Variants in EXOC6 observed in about 807,000 individuals in gnomAD.
EXOC6 encodes exocyst complex component 6.
A neutral mutation model predicts 112.5 loss-of-function variants in EXOC6; 60 were observed. The observed-to-expected ratio is 0.53, with a 90% confidence interval of 0.43 to 0.66. The LOEUF (loss-of-function observed/expected upper bound fraction) is 0.66, where lower values mean the gene tolerates loss of function less well. Ranked by LOEUF, EXOC6 falls within the 30% of genes least tolerant of loss-of-function variation. The probability of loss-of-function intolerance (pLI) is 0.00; values close to 1 mark genes in which losing one functional copy is unlikely to be tolerated. For missense variants in EXOC6, 855 were observed against 957.1 expected, an observed-to-expected ratio of 0.89 and a Z score of 1.41; for synonymous variants, 295 against 308.0, an observed-to-expected ratio of 0.96 and a Z score of 0.44.
intron 12 of EXOC6, among the ~76,000 whole-genome samples, chr10:92,938,957 G>A (rs527928763): frequency 1.3e-5 from 2 of 152,188 alleles, no homozygotes; most frequent in African/African-American, 4.8e-5. Context: ...GAAGGAAAGG[G>A]CATTAATGGA....
At chr10:92,850,034 CTGTA>C (rs1463786000) in intron 1 of EXOC6, among the ~76,000 whole-genome samples, 1 of 152,070 alleles carries the variant, frequency 6.6e-6, no homozygotes, top group East Asian at 1.9e-4. Flanking sequence ...TTTTAATAAA[CTGTA>C]TACTTGGTAA....
At chr10:92,901,613 T>G (rs1484222389) in intron 5 of EXOC6, 1 of 150,638 alleles carries the variant, frequency 6.6e-6, no homozygotes, top group Non-Finnish European at 1.5e-5. Flanking sequence ...AAGCTCTCAT[T>G]GTGCCTTTTT....
chr10:93,018,061 T>G (rs1488526686), intron 20 of EXOC6, among the ~76,000 whole-genome samples: 1 of 145,380 alleles, frequency 6.9e-6, no homozygotes, highest in Non-Finnish European at 1.5e-5. Context: ...AAAAAAGAAA[T>G]ACATTCTTTA....
upstream of EXOC6, among the ~76,000 whole-genome samples, chr10:92,848,040 G>T (rs947619278): frequency 1.3e-5 from 2 of 151,942 alleles, no homozygotes; most frequent in Non-Finnish European, 2.9e-5. Context: ...ACTATCACAT[G>T]CAATTTTGCT....
chr10:92,950,306 A>G lies in EXOC6; in HGVS notation c.1416+1927A>G, dbSNP rs1294419110. The stretch of plus-strand genomic sequence containing the variant: ...CTATCAAATAACTTGAGTTATTTTC[A>G]ACATAAATTATGAATGGAGGAGTAA... On this transcript the variant is annotated intron_variant, in intron 14 of 21. Transcript: ENST00000260762. Among the ~76,000 whole-genome samples, 9 of 152,162 alleles carry G rather than the reference A, an allele frequency of 5.9e-5. 1 individual carries two copies.
intron 20 of EXOC6, among the ~76,000 whole-genome samples, chr10:93,050,039 G>A (rs528899282): frequency 1.3e-5 from 2 of 150,872 alleles, no homozygotes; most frequent in South Asian, 4.2e-4. Context: ...TCTCAAAGCT[G>A]TTAAAAAAAA....
Position 93,007,215 on chromosome 10 carries a change from C to T in EXOC6, c.2096-6979C>T, listed in dbSNP as rs192908548. Reference sequence around the variant, plus strand: ...ATGGCCTGACATCTTGGCAATTTTCCTTCCCCCCTCGTAACAAACCCTTTA... The same window carrying T: ...ATGGCCTGACATCTTGGCAATTTTCTTTCCCCCCTCGTAACAAACCCTTTA... On this transcript the variant is annotated intron_variant, in intron 19 of 21. Transcript: ENST00000260762. Among the ~76,000 whole-genome samples, 1,134 of 152,230 alleles carry T rather than the reference C, an allele frequency of 7.4e-3. 15 individuals are homozygous for T. Among genetic ancestry groups the T allele is most frequent in the South Asian group, 0.012 (58 of 4,820 alleles).
chr10:92,859,987 T>C (rs1482287537), intron 1 of EXOC6, among the ~76,000 whole-genome samples: 1 of 152,114 alleles, frequency 6.6e-6, no homozygotes, highest in African/African-American at 2.4e-5. Context: ...AGCTACTATA[T>C]ACTCCAGCAG....
chr10:92,934,606 C>T (rs1424175662), intron 11 of EXOC6, among the ~76,000 whole-genome samples, 176 bp downstream of exon 11: 1 of 152,026 alleles, frequency 6.6e-6, no homozygotes, highest in Non-Finnish European at 1.5e-5. Context: ...TATGATTTTG[C>T]AACTGACTGG....
At chr10:92,862,238 A>G (rs1847943454) in intron 1 of EXOC6, among the ~76,000 whole-genome samples, 1 of 152,096 alleles carries the variant, frequency 6.6e-6, no homozygotes, top group African/African-American at 2.4e-5. Context: ...GGAATATAAT[A>G]TGTGGTTTTT....
At chr10:93,045,064 G>A (rs184749361) in intron 20 of EXOC6, among the ~76,000 whole-genome samples, 7 of 152,204 alleles carry the variant, frequency 4.6e-5, no homozygotes, top group African/African-American at 1.7e-4. Flanking sequence ...GAAAAGAAGG[G>A]GTTTCGCCAT....
chr10:92,931,840 G>T (rs1266436020), intron 9 of EXOC6, among the ~76,000 whole-genome samples: 3 of 152,010 alleles, frequency 2.0e-5, no homozygotes, highest in Non-Finnish European at 4.4e-5. Context: ...ACTTCTGATA[G>T]ATATAAAATT....
chr10:92,985,521 C>T (rs1842969160), intron 18 of EXOC6, among the ~76,000 whole-genome samples: 1 of 152,104 alleles, frequency 6.6e-6, no homozygotes, highest in Non-Finnish European at 1.5e-5. Flanking sequence ...ACTCGTATCT[C>T]AGGATACGAG....
intron 13 of EXOC6, among the ~76,000 whole-genome samples, chr10:92,944,773 A>AT (rs35127540): frequency 0.015 from 2,089 of 137,258 alleles, 47 homozygotes; most frequent in African/African-American, 0.049. Flanking sequence ...ACCTCGTTGT[A>AT]TTTTTTTTTT....
chr10:92,906,098 T>C (rs1378888595), intron 5 of EXOC6, among the ~76,000 whole-genome samples: 1 of 152,164 alleles, frequency 6.6e-6, no homozygotes, highest in Non-Finnish European at 1.5e-5. Context: ...TAATGTTCGT[T>C]ATCCCTAATA....
chr10:92,942,573 T>C (rs550078513), intron 13 of EXOC6, among the ~76,000 whole-genome samples: 1 of 152,340 alleles, frequency 6.6e-6, no homozygotes, highest in South Asian at 2.1e-4. Context: ...TATCAACAAT[T>C]ATTTTTATTA....
At chr10:92,851,543 G>C (rs1457590857) in intron 1 of EXOC6, among the ~76,000 whole-genome samples, 1 of 152,020 alleles carries the variant, frequency 6.6e-6, no homozygotes. Context: ...CCAGCTGCTC[G>C]AGAGGCTGAG....
intron 18 of EXOC6, among the ~76,000 whole-genome samples, chr10:92,974,529 T>C (rs1232767756): frequency 3.1e-5 from 1 of 32,656 alleles, no homozygotes; most frequent in Non-Finnish European, 5.0e-5. Context: ...TTACATAGAG[T>C]TAACACAATT....
chr10:92,940,703 C>CTTTTTT, intron 12 of EXOC6, 24 bp from the exon 13 acceptor site: 2 of 1,230,518 alleles, frequency 1.6e-6, no homozygotes, highest in Non-Finnish European at 2.2e-6. Context: ...TGTTTATCTG[C>CTTTTTT]TTTTTTTTTT....
Sources: allele counts gnomAD v4.1 joint callset (sites outside exome capture counted in the v4.1 genomes callset), GRCh38; gene constraint gnomAD v4.1.1; transcripts MANE v1.5; gene names NCBI Gene and HGNC (gene_info 2026-07-23, HGNC 2026-07-21).